Variants in PLEKHG4B observed in about 807,000 individuals in gnomAD.
PLEKHG4B encodes the protein pleckstrin homology domain-containing family G member 4B.
In PLEKHG4B, 111 loss-of-function variants were observed where a neutral mutation model predicts 121.3. The ratio of observed to expected loss-of-function variants is 0.92; its 90% CI spans 0.78 to 1.07. The LOEUF (loss-of-function observed/expected upper bound fraction) is 1.07. PLEKHG4B is among the 50% of genes least tolerant of loss of function. The pLI, the probability that PLEKHG4B is intolerant of heterozygous loss-of-function variation, is 0.00. For synonymous variants in PLEKHG4B, 738 were observed against 725.0 expected (o/e 1.02, Z -0.29); for missense variants, 1,831 against 1,757.8 (o/e 1.04, Z -0.74).
In PLEKHG4B at chr5:171,420, C is replaced by T. The variant is rs1439892765; in HGVS notation, c.4026C>T (p.Ala1342=). Residue 1342 remains alanine, a synonymous_variant, in exon 16 of 20, where the codon GCC becomes GCT. Coordinates refer to ENST00000637938, the MANE Select transcript of PLEKHG4B (RefSeq NM_052909.5). The part of the protein sequence containing the change: ...FQLRHGNDLL[A]MDAIRGCDVN... ...TGCGTCACGGCAATGACCTGCTGGC[C>T]ATGGACGCCATCCGCGGCTGTGACG... is the stretch of plus-strand genomic sequence containing the variant. 6.2e-7 allele frequency: 1 copy of T among 1,601,710 alleles called. No homozygotes were observed. The highest frequency in any genetic ancestry group is 2.2e-5 in the East Asian group (1 of 44,710).
At chr5:95,430 C>G (rs1294016562) in intron 1 of PLEKHG4B, among the ~76,000 whole-genome samples, 1 of 152,146 alleles carries the variant, frequency 6.6e-6, no homozygotes, top group Non-Finnish European at 1.5e-5. Context: ...CCTCTCCGGC[C>G]CTGGGGAGGG....
At chr5:162,663 G>A in intron 12 of PLEKHG4B, 59 bp from the exon 13 acceptor site, 1 of 1,243,074 alleles carries the variant, frequency 8.0e-7, no homozygotes, top group Non-Finnish European at 1.0e-6. Flanking sequence ...CAGGGCCTGA[G>A]CTGGCTCCAG....
chr5:162,294 C>G (rs556311600), intron 12 of PLEKHG4B, among the ~76,000 whole-genome samples: 1 of 123,068 alleles, frequency 8.1e-6, no homozygotes, highest in Non-Finnish European at 1.7e-5. Context: ...CGCACGCCTG[C>G]GAGCTCCCCC....
At chr5:111,502 G>T (rs763002481) in intron 1 of PLEKHG4B, among the ~76,000 whole-genome samples, 102 of 152,226 alleles carry the variant, frequency 6.7e-4, no homozygotes, top group Non-Finnish European at 2.8e-4. Context: ...GGAGAAGGTG[G>T]CCCTGGACAG....
chr5:144,671 G>T (rs151235352), intron 5 of PLEKHG4B, among the ~76,000 whole-genome samples, 156 bp from the exon 6 acceptor site: 1 of 152,220 alleles, frequency 6.6e-6, no homozygotes, highest in Non-Finnish European at 1.5e-5. Context: ...CGATGGGCCT[G>T]CACCTTCGGG....
At chr5:181,215 T>A (rs1736922027) in intron 18 of PLEKHG4B, among the ~76,000 whole-genome samples, 2 of 152,194 alleles carry the variant, frequency 1.3e-5, no homozygotes, top group South Asian at 4.1e-4. Flanking sequence ...GGCCCTCCCT[T>A]GCTTACCAGC....
chr5:155,284 G>A, intron 8 of PLEKHG4B, 61 bp from the exon 9 acceptor site: 1 of 1,422,354 alleles, frequency 7.0e-7, no homozygotes, highest in Non-Finnish European at 9.9e-7. Flanking sequence ...ACTCACAGCT[G>A]CTTACTTTAG....
At chr5:129,007 G>C (rs950203119) in intron 2 of PLEKHG4B, among the ~76,000 whole-genome samples, 2 of 152,198 alleles carry the variant, frequency 1.3e-5, no homozygotes, top group South Asian at 4.1e-4. Context: ...GTAGCAATAA[G>C]ATACCAAATC....
chr5:170,962 CAA>C lies in PLEKHG4B; in HGVS notation c.3730-80_3730-79del. ...GGGGGTCTTGGGACGGGAGCAGTTCCAAGTCTGACCCGGGCTGCGGGAGCCTG... is the reference window on the plus strand; with the variant it reads ...GGGGGTCTTGGGACGGGAGCAGTTCCGTCTGACCCGGGCTGCGGGAGCCTG... On this transcript the variant is annotated intron_variant, in intron 14 of 19. Transcript: ENST00000637938. The C allele has an allele frequency of 3.3e-6, 4 of 1,206,728 alleles. No individual in the cohort carries two copies. The South Asian group carries it at 5.6e-5, about 17-fold the overall frequency. 74.8% of individuals were successfully genotyped at this position (1,206,728 alleles called of 1,614,324 possible).
At position 184,080 on chromosome 5, in the gene PLEKHG4B, G is replaced by GC. The variant is rs1250636126; in HGVS notation, c.*1758dup. On this transcript the variant is annotated 3_prime_UTR_variant, in exon 20 of 20. Coordinates refer to ENST00000637938, the MANE Select transcript of PLEKHG4B (RefSeq NM_052909.5). ...AGGGGCATTGGCTGACACAATTTTGGCAGGTCAAGAGCCCCACAATAGGCC... is the reference window on the plus strand; with the variant it reads ...AGGGGCATTGGCTGACACAATTTTGGCCAGGTCAAGAGCCCCACAATAGGCC... 43 of 152,248 alleles carry GC rather than the reference G, an allele frequency of 2.8e-4. No individual in the cohort carries two copies. Among genetic ancestry groups the GC allele is most frequent in the African/African-American group, 9.9e-4 (41 of 41,534 alleles). 9.4% of individuals were successfully genotyped at this position (152,248 alleles called of 1,614,324 possible).
At chr5:135,128 C>T (rs1195366176) in intron 2 of PLEKHG4B, among the ~76,000 whole-genome samples, 1 of 137,822 alleles carries the variant, frequency 7.3e-6, no homozygotes, top group African/African-American at 2.8e-5. Flanking sequence ...GTGGAGCTTG[C>T]AGTGAGCCGA....
At chr5:167,044 G>T (rs1736376453) in intron 13 of PLEKHG4B, among the ~76,000 whole-genome samples, 1 of 152,144 alleles carries the variant, frequency 6.6e-6, no homozygotes, top group Admixed American at 6.5e-5. Flanking sequence ...AACACAGGAA[G>T]GGGGGACTCC....
chr5:140,514 T>A lies in PLEKHG4B; in HGVS notation c.1275T>A (p.Gly425=). The A allele has an allele frequency of 1.9e-6, 3 of 1,597,526 alleles. No individual in the cohort carries two copies. Among genetic ancestry groups the A allele is most frequent in the Non-Finnish European group, 2.6e-6 (3 of 1,172,606 alleles). The change falls in exon 3 of 20, where the codon GGT becomes GGA. Residue 425 remains glycine, a synonymous_variant. Coordinates refer to ENST00000637938, the MANE Select transcript of PLEKHG4B (RefSeq NM_052909.5). ...AGAGGCACACACCCAGCCGGACAGG[T>A]CCAGGAGCTGCAGGGCGGACTCTTC... ...EKERHTPSRT[G]PGAAGRTLPR...
rs201148540 is a variant in PLEKHG4B at position 169,478 on chromosome 5, C to T, written c.3615C>T (p.His1205=). The T allele has an allele frequency of 1.2e-5, 19 of 1,614,100 alleles. No individual in the cohort carries two copies. In the East Asian group the frequency reaches 2.2e-4, roughly 19 times the overall value. The change falls in exon 14 of 20, where the codon CAC becomes CAT. Residue 1205 remains histidine, a synonymous_variant. Transcript: ENST00000637938. The part of the protein sequence containing the change: ...DLPQGLRGKH[H]VIFGNLEKLH... Reference sequence around the variant, plus strand: ...CCCAGGGCCTTCGAGGGAAGCACCACGTTATTTTCGGCAACTTGGAGAAGC... The same window carrying T: ...CCCAGGGCCTTCGAGGGAAGCACCATGTTATTTTCGGCAACTTGGAGAAGC...
chr5:151,624 T>C (rs749772725), intron 7 of PLEKHG4B, 25 bp downstream of exon 7: 1 of 1,438,422 alleles, frequency 7.0e-7, no homozygotes, highest in South Asian at 1.2e-5. Flanking sequence ...TGTGGGATCC[T>C]GAGTGATGGA....
rs189061283 is a variant in PLEKHG4B at position 138,634 on chromosome 5, C to T, written c.244-849C>T. Among the ~76,000 whole-genome samples the T allele has an allele frequency of 8.5e-5, 13 of 152,266 alleles. No individual in the cohort carries two copies. The East Asian group carries it at 9.6e-4, about 11-fold the overall frequency. On this transcript the variant is annotated intron_variant, in intron 2 of 19. Coordinates refer to ENST00000637938, the MANE Select transcript of PLEKHG4B (RefSeq NM_052909.5). Reference sequence around the variant, plus strand: ...GTAAAGCTGAGCTGAGAATGGGCCTCGTGCTTGAGAAAAGGCACCAACACC... The same window carrying T: ...GTAAAGCTGAGCTGAGAATGGGCCTTGTGCTTGAGAAAAGGCACCAACACC...
chr5:141,568 A>G (rs544403478), intron 3 of PLEKHG4B, among the ~76,000 whole-genome samples: 1 of 151,802 alleles, frequency 6.6e-6, no homozygotes, highest in South Asian at 2.1e-4. Flanking sequence ...ACGACCTCAC[A>G]TCCAGATCCG....
chr5:170,921 G>A, intron 14 of PLEKHG4B, 122 bp from the exon 15 acceptor site: 1 of 718,714 alleles, frequency 1.4e-6, no homozygotes, highest in Non-Finnish European at 2.4e-6. Flanking sequence ...CCTGATCATG[G>A]TACAAACTGC....
intron 6 of PLEKHG4B, among the ~76,000 whole-genome samples, chr5:149,353 G>A (rs1175311976): frequency 2.6e-5 from 4 of 151,788 alleles, no homozygotes; most frequent in African/African-American, 9.7e-5. Context: ...GACCAGCCTG[G>A]GCAATATAGT....
Sources: gnomAD v4.1 joint callset for allele counts (sites outside exome capture counted in the v4.1 genomes callset) on GRCh38, gnomAD v4.1.1 for gene constraint, MANE v1.5 for transcripts, NCBI Gene and HGNC (gene_info 2026-07-23, HGNC 2026-07-21) for gene names.